Variants in NHLRC2 observed in about 807,000 individuals in gnomAD.
NHLRC2 encodes the protein NHL repeat containing 2, also known as NHL repeat-containing protein 2.
In NHLRC2, 33 loss-of-function variants were observed where a neutral mutation model predicts 68.1. The ratio of observed to expected loss-of-function variants is 0.48; its 90% CI spans 0.37 to 0.65. The LOEUF (loss-of-function observed/expected upper bound fraction) is 0.65, where lower values mean the gene tolerates loss of function less well. Among genes scored for constraint, NHLRC2 ranks in the 30% least tolerant of loss-of-function variants. The pLI is 0.00. For synonymous variants in NHLRC2, 311 were observed against 309.6 expected (o/e 1.00, Z -0.05); for missense variants, 761 against 853.8 (o/e 0.89, Z 1.35).
chr10:113,864,304 G>A (rs1212658503), intron 2 of NHLRC2, among the ~76,000 whole-genome samples: 3 of 152,186 alleles, frequency 2.0e-5, no homozygotes, highest in African/African-American at 7.2e-5. Context: ...TCCGGAGATG[G>A]AGGATGGCAA....
intron 3 of NHLRC2, among the ~76,000 whole-genome samples, chr10:113,877,275 T>G (rs1323645750): frequency 1.3e-5 from 2 of 151,908 alleles, no homozygotes; most frequent in Non-Finnish European, 1.5e-5. Context: ...ACTGCTGTAC[T>G]TACTGTTTCT....
intron 5 of NHLRC2, among the ~76,000 whole-genome samples, chr10:113,894,708 T>TA (rs1846162794): frequency 6.6e-6 from 1 of 152,144 alleles, no homozygotes; most frequent in Non-Finnish European, 1.5e-5. Flanking sequence ...GTGACTTTCT[T>TA]AAAAATGTTC....
chr10:113,904,702 G>T (rs1266888247), intron 9 of NHLRC2, 115 bp from the exon 10 acceptor site: 6 of 731,488 alleles, frequency 8.2e-6, no homozygotes, highest in Non-Finnish European at 1.4e-5. Flanking sequence ...CTAGAATGGC[G>T]ATTAGTTTCA....
At chr10:113,861,674 G>T (rs1292631184) in intron 2 of NHLRC2, among the ~76,000 whole-genome samples, 1 of 152,154 alleles carries the variant, frequency 6.6e-6, no homozygotes, top group Non-Finnish European at 1.5e-5. Flanking sequence ...AGGTTGAAAT[G>T]AAAGGACACT....
In NHLRC2 at chr10:113,876,540, T is replaced by C. The variant is rs1845981882; in HGVS notation, c.351T>C (p.Gly117=). The change falls in exon 3 of 11, where the codon GGT becomes GGC. Residue 117 remains glycine, a synonymous_variant. Transcript: ENST00000369301. ...YSDKDGLLII[G]VHSAKFPNEK... is the part of the protein sequence containing the mutation. Reference sequence around the variant, plus strand: ...TTTCAGATGGTCTTCTTATTATTGGTGTTCACTCGGCTAAGTTTCCAAATG... The same window carrying C: ...TTTCAGATGGTCTTCTTATTATTGGCGTTCACTCGGCTAAGTTTCCAAATG... 6.3e-7 allele frequency: 1 copy of C among 1,599,240 alleles called. No homozygotes were observed.
chr10:113,902,463 A>T lies in NHLRC2; in HGVS notation c.1372-8A>T, dbSNP rs777027212. On this transcript the variant is annotated splice_polypyrimidine_tract_variant and splice_region_variant and intron_variant, in intron 7 of 10. Transcript: ENST00000369301. ...CTGCTGTTTCTTTTCTTTTAAAAAA[A>T]ATTAAAGAATTTATTTGCTTTTGGT... 5 of 1,542,772 alleles carry T rather than the reference A, an allele frequency of 3.2e-6. No individual in the cohort carries two copies. The highest frequency in any genetic ancestry group is 4.4e-6 in the Non-Finnish European group (5 of 1,144,010).
chr10:113,888,045 C>T (rs2134720781), intron 5 of NHLRC2, among the ~76,000 whole-genome samples: 1 of 152,052 alleles, frequency 6.6e-6, no homozygotes, highest in South Asian at 2.1e-4. Context: ...GTCTGGTCAA[C>T]ATAGCAAGAC....
intron 8 of NHLRC2, among the ~76,000 whole-genome samples, chr10:113,902,927 C>T (rs1325218435): frequency 6.6e-6 from 1 of 152,140 alleles, no homozygotes; most frequent in South Asian, 2.1e-4. Flanking sequence ...AACAAATGAA[C>T]GTTTTTGAGC....
intron 2 of NHLRC2, among the ~76,000 whole-genome samples, chr10:113,870,223 C>T (rs906275276): frequency 5.3e-5 from 8 of 151,884 alleles, no homozygotes; most frequent in African/African-American, 1.7e-4. Flanking sequence ...ATTTTAAGTC[C>T]CCCCATCTTT....
In NHLRC2 at chr10:113,854,770, A is replaced by G; in HGVS notation, c.-103A>G. ...CGTGGAGTGGGGCTAGTGGAGGGTGAGGTGAATGCGCCGTTTGGAAACCAC... is the reference window on the plus strand; with the variant it reads ...CGTGGAGTGGGGCTAGTGGAGGGTGGGGTGAATGCGCCGTTTGGAAACCAC... On this transcript the variant is annotated 5_prime_UTR_variant, in exon 1 of 11. Transcript: ENST00000369301. The G allele has an allele frequency of 1.1e-6, 1 of 890,468 alleles. No homozygotes were observed. Among genetic ancestry groups the G allele is most frequent in the Non-Finnish European group, 1.7e-6 (1 of 596,128 alleles). The allele number at this position is 890,468 out of a possible 1,614,324, so 55.2% of individuals were successfully genotyped here.
chr10:113,875,693 G>C (rs1394539104), intron 2 of NHLRC2, among the ~76,000 whole-genome samples: 1 of 152,172 alleles, frequency 6.6e-6, no homozygotes, highest in Non-Finnish European at 1.5e-5. Context: ...GTGTCTTCAA[G>C]CATGCATGTC....
chr10:113,904,016 A>T (rs1047262221), intron 9 of NHLRC2, among the ~76,000 whole-genome samples: 4 of 151,212 alleles, frequency 2.6e-5, no homozygotes, highest in Admixed American at 2.0e-4. Flanking sequence ...GAGGACTCAG[A>T]TCTGTTTTTA....
At position 113,855,028 on chromosome 10, in the gene NHLRC2, G is replaced by T; in HGVS notation, c.156G>T (p.Leu52Phe). ...AGGTGGACGGCTGGGAGCAGGACTT[G>T]TCAGTACCCGAGTTTCCGGAAGGTG... is the stretch of plus-strand genomic sequence containing the variant. ...LQKVDGWEQD[L>F]SVPEFPEGLE... The change falls in exon 1 of 11, where the codon TTG (leucine) becomes TTT (phenylalanine). Residue 52 changes from leucine (L) to phenylalanine (F), a missense_variant. Coordinates refer to ENST00000369301, the MANE Select transcript of NHLRC2 (RefSeq NM_198514.4). 1 of 1,552,786 alleles carries T rather than the reference G, an allele frequency of 6.4e-7. No homozygotes were observed. Among genetic ancestry groups the T allele is most frequent in the Non-Finnish European group, 8.7e-7 (1 of 1,147,544 alleles).
At chr10:113,907,372 G>C (rs1029870530) in intron 10 of NHLRC2, among the ~76,000 whole-genome samples, 2 of 152,214 alleles carry the variant, frequency 1.3e-5, no homozygotes, top group Admixed American at 6.5e-5. Flanking sequence ...AGGTGGTCCA[G>C]TTTTTGTACA....
At chr10:113,879,470 C>T (rs1380260214) in intron 3 of NHLRC2, 104 bp from the exon 4 acceptor site, 1 of 1,031,604 alleles carries the variant, frequency 9.7e-7, no homozygotes, top group Non-Finnish European at 1.4e-6. Context: ...ATGGACATAC[C>T]ATTTTTTTAT....
At chr10:113,889,915 AGTTT>A (rs1389441628) in intron 5 of NHLRC2, among the ~76,000 whole-genome samples, 2 of 152,306 alleles carry the variant, frequency 1.3e-5, no homozygotes, top group East Asian at 3.9e-4. Flanking sequence ...GCTCTACCAC[AGTTT>A]GTTTATTCAT....
chr10:113,876,996 AC>A lies in NHLRC2; in HGVS notation c.787+21del, dbSNP rs1469631947. On this transcript the variant is annotated intron_variant, in intron 3 of 10. Coordinates refer to ENST00000369301, the MANE Select transcript of NHLRC2 (RefSeq NM_198514.4). ...TTGGAGGTAAAACTTGCTTCTGATTACGATAGATAACGTGTTTTACAGTAAA... is the reference window on the plus strand; with the variant it reads ...TTGGAGGTAAAACTTGCTTCTGATTAGATAGATAACGTGTTTTACAGTAAA... The A allele has an allele frequency of 7.3e-7, 1 of 1,371,776 alleles. No homozygotes were observed. The highest frequency in any genetic ancestry group is 1.0e-6 in the Non-Finnish European group (1 of 1,001,432). 85.0% of individuals were successfully genotyped at this position (1,371,776 alleles called of 1,614,324 possible). A position where few individuals can be genotyped will look rare whatever the true frequency, so the allele number is the denominator to read the frequency against.
chr10:113,858,514 T>C lies in NHLRC2; in HGVS notation c.179-14T>C. ...TCTCTTTAATCATTGTAATTTATTT[T>C]ATGTAAATTTCAGGATTAGAATGGC... On this transcript the variant is annotated splice_polypyrimidine_tract_variant and intron_variant, in intron 1 of 10. Coordinates refer to ENST00000369301, the MANE Select transcript of NHLRC2 (RefSeq NM_198514.4). 1 of 1,547,906 alleles carries C rather than the reference T, an allele frequency of 6.5e-7. No homozygotes were observed. The highest frequency in any genetic ancestry group is 8.8e-7 in the Non-Finnish European group (1 of 1,131,096).
At chr10:113,870,526 C>G (rs74582610) in intron 2 of NHLRC2, among the ~76,000 whole-genome samples, 3,599 of 152,306 alleles carry the variant, frequency 0.024, 143 homozygotes, top group African/African-American at 0.082. Flanking sequence ...TGCCATAACT[C>G]ATTCAGCCAC....
Sources: gnomAD v4.1 joint callset for allele counts (sites outside exome capture counted in the v4.1 genomes callset) on GRCh38, gnomAD v4.1.1 for gene constraint, MANE v1.5 for transcripts, NCBI Gene and HGNC (gene_info 2026-07-23, HGNC 2026-07-21) for gene names.